NGEF: variants seen among roughly 807,000 people sequenced by gnomAD.
NGEF encodes ephexin-1.
Under a neutral mutation model 80.9 loss-of-function variants are expected in NGEF, and 31 were observed. That is an observed-to-expected ratio of 0.38 (90% CI 0.29 to 0.52). NGEF has a LOEUF of 0.52. Among genes scored for constraint, NGEF ranks in the 20% least tolerant of loss-of-function variants. NGEF has a pLI of 0.84. For synonymous variants in NGEF, 371 were observed against 370.2 expected (o/e 1.00, Z -0.03); for missense variants, 709 against 926.2 (o/e 0.77, Z 3.04).
chr2:233,004,044 G>A (rs1056396279), intron 1 of NGEF, among the ~76,000 whole-genome samples: 3 of 152,186 alleles, frequency 2.0e-5, no homozygotes, highest in Admixed American at 6.5e-5. Context: ...CTGCAAGACA[G>A]GCCAGCAAGC....
intron 1 of NGEF, among the ~76,000 whole-genome samples, chr2:233,002,925 G>A (rs1262597555): frequency 1.3e-5 from 2 of 152,132 alleles, no homozygotes; most frequent in Non-Finnish European, 2.9e-5. Context: ...AAGCCCCCTG[G>A]GGGACTCTGA....
chr2:232,879,731 T>A, intron 14 of NGEF, 52 bp from the exon 15 acceptor site: 1 of 1,550,326 alleles, frequency 6.5e-7, no homozygotes, highest in Non-Finnish European at 8.8e-7. Flanking sequence ...GGGCACAGGC[T>A]GCACAGAGGC....
rs545327453 is a variant in NGEF, at chr2:232,969,717, T to C, written c.383+497A>G. On this transcript the variant is annotated intron_variant, in intron 3 of 14. Transcript: ENST00000264051. ...TTAGTAGAGACAGGGTTTTGCCATG[T>C]TGGCCAGGCTTGTCTCAAACTCCTG... 2.3e-3 allele frequency among the ~76,000 whole-genome samples: 350 copies of C among 152,052 alleles called. 1 individual carries two copies. The highest frequency in any genetic ancestry group is 0.02 in the Middle Eastern group (6 of 294).
At chr2:232,888,152 T>G (rs1029742570) in intron 8 of NGEF, 45 bp from the exon 9 acceptor site, 1 of 1,424,208 alleles carries the variant, frequency 7.0e-7, no homozygotes, top group Non-Finnish European at 9.6e-7. Flanking sequence ...TTTTCTGGTC[T>G]TTCCTCCCAT....
intron 4 of NGEF, among the ~76,000 whole-genome samples, chr2:232,924,053 A>C (rs1174698230): frequency 6.6e-6 from 1 of 152,088 alleles, no homozygotes; most frequent in Non-Finnish European, 1.5e-5. Context: ...CCTGGCCAAC[A>C]TGGTGAAACC....
chr2:232,938,629 C>T (rs1693378483), intron 3 of NGEF, among the ~76,000 whole-genome samples: 1 of 150,786 alleles, frequency 6.6e-6, no homozygotes, highest in Admixed American at 6.7e-5. Flanking sequence ...TGTGGTGGCT[C>T]ATGCCTGTAA....
At chr2:232,893,668 G>A (rs1342128619) in intron 6 of NGEF, among the ~76,000 whole-genome samples, 1 of 152,118 alleles carries the variant, frequency 6.6e-6, no homozygotes, top group African/African-American at 2.4e-5. Context: ...CCAGCTACTC[G>A]GGAGGTTGAG....
chr2:232,936,737 T>C (rs1693332827), intron 3 of NGEF, among the ~76,000 whole-genome samples: 1 of 152,224 alleles, frequency 6.6e-6, no homozygotes, highest in African/African-American at 2.4e-5. Flanking sequence ...TTTCTGGACT[T>C]TCCCCATGCA....
chr2:233,005,093 A>T (rs903025450), intron 1 of NGEF, among the ~76,000 whole-genome samples: 2 of 152,154 alleles, frequency 1.3e-5, no homozygotes, highest in African/African-American at 4.8e-5. Flanking sequence ...TCCAACCTAG[A>T]TTGGGTCTCG....
intron 3 of NGEF, 142 bp downstream of exon 3, chr2:232,970,072 T>A (rs1006782230): frequency 8.1e-6 from 3 of 369,334 alleles, no homozygotes; most frequent in African/African-American, 2.2e-5. Flanking sequence ...TTTTTATTTA[T>A]TTATTTTTTT....
rs145692899 is a variant in NGEF, at chr2:232,893,199, G to T, written c.990-149C>A. 390 of 703,032 alleles carry T rather than the reference G, an allele frequency of 5.5e-4. 8 individuals carry two copies. In the East Asian group the frequency reaches 8.0e-3, roughly 14 times the overall value. 43.5% of individuals were successfully genotyped at this position (703,032 alleles called of 1,614,324 possible). On this transcript the variant is annotated intron_variant, in intron 6 of 14. Transcript: ENST00000264051. The stretch of plus-strand genomic sequence containing the variant: ...AGGCCGACAAGATCCATCGGCAGGG[G>T]CACCGAGCACTGGTGGTGTATTTGG...
At chr2:232,903,592 T>A (rs1428592846) in intron 5 of NGEF, among the ~76,000 whole-genome samples, 1 of 152,076 alleles carries the variant, frequency 6.6e-6, no homozygotes, top group Non-Finnish European at 1.5e-5. Flanking sequence ...AAGATAAATT[T>A]AAAAAAATGC....
At chr2:232,939,240 C>T (rs1025154582) in intron 3 of NGEF, among the ~76,000 whole-genome samples, 1 of 150,108 alleles carries the variant, frequency 6.7e-6, no homozygotes, top group Non-Finnish European at 1.5e-5. Flanking sequence ...CATTTCCTGG[C>T]ACTCAGAGTT....
At chr2:232,887,844 C>G (rs1171039102) in intron 9 of NGEF, among the ~76,000 whole-genome samples, 189 bp downstream of exon 9, 1 of 152,210 alleles carries the variant, frequency 6.6e-6, no homozygotes, top group African/African-American at 2.4e-5. Context: ...AAAGAAGGCT[C>G]TCTACCCAAG....
intron 4 of NGEF, among the ~76,000 whole-genome samples, chr2:232,924,891 G>A (rs1023883748): frequency 9.9e-5 from 15 of 152,148 alleles, no homozygotes; most frequent in African/African-American, 2.7e-4. Flanking sequence ...TGTTTCTGGA[G>A]TTACTGTGTT....
intron 3 of NGEF, among the ~76,000 whole-genome samples, chr2:232,954,740 AAAAG>A (rs1693761199): frequency 6.6e-6 from 1 of 151,524 alleles, no homozygotes; most frequent in African/African-American, 2.4e-5. Flanking sequence ...AAAAAAAAAA[AAAAG>A]AGAGGAGCTC....
intron 1 of NGEF, among the ~76,000 whole-genome samples, chr2:232,982,671 A>G (rs552014952): frequency 2.4e-4 from 37 of 152,256 alleles, no homozygotes; most frequent in African/African-American, 7.9e-4. Flanking sequence ...CCGCTACCAC[A>G]TCTGGCTAAT....
rs772128910 is a variant in NGEF at position 232,879,592 on chromosome 2, C to T, written c.2030G>A (p.Arg677Gln). The change falls in exon 15 of 15, where the codon CGG (arginine) becomes CAG (glutamine). Residue 677 changes from arginine (R) to glutamine (Q), a missense_variant. Arg to Gln is a conservative substitution (Grantham distance 43). Around this residue, in one of 2 missense-constraint regions of NGEF, gnomAD observed 426 missense variants for 622.9 expected, o/e 0.68. Coordinates refer to ENST00000264051, the MANE Select transcript of NGEF (RefSeq NM_019850.3). ...GAAACATTCCTTGAGGTTCTGGGAC[C>T]GGATCTTGGGATTCAAGATCTCCTC... is the stretch of plus-strand genomic sequence containing the variant. Reference protein sequence around the residue: ...MTEEILNPKIRSQNLKECFRV... With the variant: ...MTEEILNPKIQSQNLKECFRV... The T allele has an allele frequency of 2.5e-6, 4 of 1,613,680 alleles. No homozygotes were observed. Among genetic ancestry groups the T allele is most frequent in the Non-Finnish European group, 3.4e-6 (4 of 1,179,996 alleles).
At position 232,881,185 on chromosome 2, in the gene NGEF, G is replaced by T; in HGVS notation, c.1903C>A (p.Leu635Ile). 6.2e-7 allele frequency: 1 copy of T among 1,612,244 alleles called. No individual in the cohort carries two copies. Residue 635 changes from leucine to isoleucine, a missense_variant, in exon 14 of 15, where the codon CTC becomes ATC. Around this residue, in one of 2 missense-constraint regions of NGEF, gnomAD observed 426 missense variants for 622.9 expected, o/e 0.68. Transcript: ENST00000264051. ...AQQPDELTLE[L>I]ADILNILDKT... ...TCCAGGATGTTGAGGATGTCGGCGA[G>T]CTCCAGCGTCAGCTCGTCTGGCTGC...
Sources: gnomAD v4.1 joint callset for allele counts (sites outside exome capture counted in the v4.1 genomes callset) on GRCh38, gnomAD v4.1.1 for gene constraint, gnomAD v4.1.1 regional missense constraint, MANE v1.5 for transcripts, NCBI Gene and HGNC (gene_info 2026-07-23, HGNC 2026-07-21) for gene names.